The following ZNF469 variants were observed in gnomAD, a reference collection of about 807,000 sequenced individuals.
ZNF469 encodes the protein zinc finger protein 469.
ZNF469 carries 1 observed loss-of-function variant against 1.0 expected under a neutral mutation model. The observed-to-expected ratio is 1.00, with a 90% CI of 0.35 to 4.73. The LOEUF is 4.73. Among genes scored for constraint, ZNF469 ranks in the 30% most tolerant of loss-of-function variants. The probability of loss-of-function intolerance (pLI) is 0.16; values close to 1 mark genes in which losing one functional copy is unlikely to be tolerated. For synonymous variants in ZNF469, 2,703 were observed against 2,363.4 expected, an observed-to-expected ratio of 1.14 and a Z score of -4.17; for missense variants, 6,100 against 5,356.3, an observed-to-expected ratio of 1.14 and a Z score of -4.33.
chr16:88,160,320 A>T, the ZNF469 span, among the ~76,000 whole-genome samples: 3 of 152,104 alleles, frequency 2.0e-5, no homozygotes, highest in East Asian at 5.8e-4. Context: ...AAACGATTTT[A>T]TTTTTGAAGT....
At chr16:88,248,448 A>C in the ZNF469 span, among the ~76,000 whole-genome samples, 10 of 152,276 alleles carry the variant, frequency 6.6e-5, no homozygotes, top group East Asian at 1.9e-4. Context: ...ACAGTGGCTC[A>C]TGCTTGTAAT....
At chr16:88,145,760 A>G in the ZNF469 span, among the ~76,000 whole-genome samples, 2 of 152,202 alleles carry the variant, frequency 1.3e-5, no homozygotes, top group African/African-American at 4.8e-5. Flanking sequence ...CCCAGCCCCC[A>G]GTGCCGGGCA....
the ZNF469 span, among the ~76,000 whole-genome samples, chr16:88,224,108 G>C: frequency 6.6e-6 from 1 of 152,230 alleles, no homozygotes; most frequent in African/African-American, 2.4e-5. Flanking sequence ...TTTTCTCGGG[G>C]CAGGGGTCTG....
At chr16:88,180,053 T>C in the ZNF469 span, among the ~76,000 whole-genome samples, 3 of 152,196 alleles carry the variant, frequency 2.0e-5, no homozygotes, top group Non-Finnish European at 4.4e-5. Context: ...TAATAAAAAA[T>C]ACTCAGCAGC....
At chr16:88,375,553 T>C in the ZNF469 span, among the ~76,000 whole-genome samples, 1 of 152,266 alleles carries the variant, frequency 6.6e-6, no homozygotes, top group Non-Finnish European at 1.5e-5. Flanking sequence ...GCATGGCCCC[T>C]GGTACACCCA....
chr16:88,248,831 G>A, the ZNF469 span, among the ~76,000 whole-genome samples: 5 of 152,148 alleles, frequency 3.3e-5, no homozygotes, highest in African/African-American at 1.2e-4. Flanking sequence ...CAGCTGTCGG[G>A]CTGAGGCAGG....
At chr16:88,203,602 C>T in the ZNF469 span, among the ~76,000 whole-genome samples, 60 of 152,200 alleles carry the variant, frequency 3.9e-4, no homozygotes, top group African/African-American at 1.4e-3. Flanking sequence ...GCCATGCTGC[C>T]TGGGGGGTCT....
chr16:88,120,037 A>G, the ZNF469 span, among the ~76,000 whole-genome samples: 2 of 152,168 alleles, frequency 1.3e-5, no homozygotes, highest in Non-Finnish European at 2.9e-5. Flanking sequence ...ACACACAACC[A>G]AGGGGCCCCC....
the ZNF469 span, among the ~76,000 whole-genome samples, chr16:88,149,421 G>A: frequency 2.0e-5 from 3 of 152,128 alleles, no homozygotes; most frequent in Non-Finnish European, 4.4e-5. Flanking sequence ...CCTGACAGAG[G>A]CCATTTGTCG....
chr16:88,338,198 A>G, the ZNF469 span, among the ~76,000 whole-genome samples: 2 of 152,154 alleles, frequency 1.3e-5, no homozygotes, highest in Admixed American at 6.5e-5. Context: ...GGCGCCTCCA[A>G]TCGCCTGGGG....
chr16:88,137,961 C>T, the ZNF469 span, among the ~76,000 whole-genome samples: 8 of 152,090 alleles, frequency 5.3e-5, no homozygotes, highest in South Asian at 4.1e-4. Flanking sequence ...ACGATAGAGC[C>T]GGGTTAAAGC....
the ZNF469 span, among the ~76,000 whole-genome samples, chr16:88,147,077 A>G: frequency 6.6e-6 from 1 of 152,070 alleles, no homozygotes; most frequent in East Asian, 1.9e-4. Context: ...TGCAGATGTG[A>G]CTGAGGTTCC....
chr16:88,261,188 G>A, the ZNF469 span, among the ~76,000 whole-genome samples: 16 of 152,256 alleles, frequency 1.1e-4, no homozygotes, highest in Non-Finnish European at 1.5e-4. The surrounding 1 kb of genome is among the most constrained non-coding windows in gnomAD (Gnocchi z 6.0). Context: ...GGCCTCAGCT[G>A]CTGATGCGGG....
intron 1 of ZNF469, among the ~76,000 whole-genome samples, chr16:88,402,623 G>A (rs1904914013): frequency 6.6e-6 from 1 of 152,146 alleles, no homozygotes; most frequent in Non-Finnish European, 1.5e-5. Flanking sequence ...AGTTGACCTG[G>A]GTCTGCCCCC....
At chr16:88,257,299 G>T in the ZNF469 span, among the ~76,000 whole-genome samples, 26 of 151,746 alleles carry the variant, frequency 1.7e-4, no homozygotes, top group African/African-American at 6.0e-4. Flanking sequence ...TGCCATCTGT[G>T]TATCTTCTTT....
At chr16:88,380,895 C>T (rs2092521068), upstream of ZNF469, among the ~76,000 whole-genome samples, 1 of 127,772 alleles carries the variant, frequency 7.8e-6, no homozygotes, top group African/African-American at 3.7e-5. Flanking sequence ...CAGACATGCA[C>T]TCACACACAC....
the ZNF469 span, among the ~76,000 whole-genome samples, chr16:88,294,312 C>A: frequency 2.0e-5 from 3 of 152,230 alleles, no homozygotes; most frequent in African/African-American, 7.2e-5. Flanking sequence ...GCCCTGTGCA[C>A]TTCTAACACA....
chr16:88,221,612 G>C, the ZNF469 span, among the ~76,000 whole-genome samples: 2 of 152,354 alleles, frequency 1.3e-5, no homozygotes, highest in East Asian at 3.9e-4. Context: ...TCTTGCATGT[G>C]CCCCTCTGAG....
At chr16:88,288,196 T>C in the ZNF469 span, among the ~76,000 whole-genome samples, 2 of 152,184 alleles carry the variant, frequency 1.3e-5, no homozygotes, top group South Asian at 4.1e-4. Context: ...TGCTCTTGTG[T>C]TGAATCTCCT....
Sources: gnomAD v4.1 joint callset for allele counts (sites outside exome capture counted in the v4.1 genomes callset) on GRCh38, gnomAD v4.1.1 for gene constraint, Gnocchi (gnomAD v3.1) non-coding constraint, MANE v1.5 for transcripts, NCBI Gene and HGNC (gene_info 2026-07-23, HGNC 2026-07-21) for gene names.